SIGLEC11: variants seen among roughly 807,000 people sequenced by gnomAD.
SIGLEC11 encodes sialic acid binding Ig like lectin 11, also known as sialic acid-binding Ig-like lectin 11.
In SIGLEC11, 47 loss-of-function variants were observed where a neutral mutation model predicts 61.2. The observed-to-expected ratio is 0.77, with a 90% CI of 0.61 to 0.98. The LOEUF is 0.98. SIGLEC11 is among the 50% of genes least tolerant of loss of function. The pLI, the probability that SIGLEC11 is intolerant of heterozygous loss-of-function variation, is 0.00. For synonymous variants in SIGLEC11, 278 were observed against 373.1 expected, an observed-to-expected ratio of 0.75 and a Z score of 2.94; for missense variants, 610 against 870.3, an observed-to-expected ratio of 0.70 and a Z score of 3.76.
Position 49,960,815 on chromosome 19 carries a change from G to A in SIGLEC11, c.197C>T (p.Ser66Phe), listed in dbSNP as rs1390916815. Reference protein sequence around the residue: ...LSYPRDGWDESTAAYGYWFKG... With the variant: ...LSYPRDGWDEFTAAYGYWFKG... ...GAACCAGTAGCCATAAGCAGCAGTA[G>A]ACTCGTCCCAGCCATCCCGGGGGTA... The change falls in exon 2 of 11, where the codon TCT becomes TTT. Residue 66 changes from serine to phenylalanine, a missense_variant. By Grantham distance (155) the Ser-to-Phe change is radical (BLOSUM62 -2). Around this residue, in one of 6 missense-constraint regions of SIGLEC11, gnomAD observed 27 missense variants for 96.0 expected, o/e 0.28. Transcript: ENST00000447370. The A allele has an allele frequency of 8.7e-6, 14 of 1,613,364 alleles. No homozygotes were observed. Among genetic ancestry groups the A allele is most frequent in the African/African-American group, 1.3e-5 (1 of 74,382 alleles).
chr19:49,950,272 C>A, intron 10 of SIGLEC11, 36 bp from the exon 11 acceptor site: 2 of 1,493,450 alleles, frequency 1.3e-6, no homozygotes, highest in South Asian at 2.6e-5. Context: ...AAATTAGGGT[C>A]ATGGGGGCTA....
intron 8 of SIGLEC11, 29 bp from the exon 9 acceptor site, chr19:49,952,423 C>A (rs1165990653): frequency 1.9e-6 from 3 of 1,566,166 alleles, no homozygotes; most frequent in Non-Finnish European, 2.6e-6. Flanking sequence ...TGGGGTGGTG[C>A]CCTCCTGGCC....
chr19:49,949,922 G>A lies in SIGLEC11; in HGVS notation c.*48C>T, dbSNP rs372817623. On this transcript the variant is annotated 3_prime_UTR_variant, in exon 11 of 11. Transcript: ENST00000447370. ...GAGTCCAGTTCTGGCCGTCACACCA[G>A]TGCGACTCCCACACACTTGCTGGTG... is the stretch of plus-strand genomic sequence containing the variant. The A allele has an allele frequency of 7.2e-6, 10 of 1,381,490 alleles. No individual in the cohort carries two copies. The highest frequency in any genetic ancestry group is 8.5e-6 in the Non-Finnish European group (9 of 1,058,236). The allele number at this position is 1,381,490 out of a possible 1,614,324, so 85.6% of individuals were successfully genotyped here.
At position 49,952,284 on chromosome 19, in the gene SIGLEC11, C is replaced by T. The variant is rs370728765; in HGVS notation, c.1748+14G>A. On this transcript the variant is annotated intron_variant, in intron 9 of 10. Transcript: ENST00000447370. ...CCTTCCCACACCCTGCATTGCCTGCCCTCCGATGCTTACCTGAAGACGACA... is the reference window on the plus strand; with the variant it reads ...CCTTCCCACACCCTGCATTGCCTGCTCTCCGATGCTTACCTGAAGACGACA... The T allele has an allele frequency of 1.9e-5, 30 of 1,611,406 alleles. No individual in the cohort carries two copies. In the African/African-American group the frequency reaches 2.3e-4, roughly 12 times the overall value.
chr19:49,958,875 T>C lies in SIGLEC11; in HGVS notation c.1131A>G (p.Thr377=), dbSNP rs534540205. Residue 377 remains threonine, a synonymous_variant, in exon 7 of 11, where the codon ACA becomes ACG. Coordinates refer to ENST00000447370, the MANE Select transcript of SIGLEC11 (RefSeq NM_052884.3). ...TTTGGCCCTCCAGGACCGGGAGGGA[T>C]GTGCCGTTCCCGAGGTTTTCCAGGA... ...RTVLENLGNG[T]SLPVLEGQSL... The C allele has an allele frequency of 4.4e-6, 7 of 1,601,872 alleles. No homozygotes were observed. The South Asian group carries it at 7.8e-5, about 18-fold the overall frequency.
At position 49,950,001 on chromosome 19, in the gene SIGLEC11, T is replaced by A; in HGVS notation, c.2066A>T (p.Glu689Val). 6.6e-7 allele frequency: 1 copy of A among 1,510,644 alleles called. No homozygotes were observed. 93.6% of individuals were successfully genotyped at this position (1,510,644 alleles called of 1,614,324 possible). ...TGGAACCATCCCTGACATCTCCCTC[T>A]CCAATTGAAGCCCAAAGCCTGGGCC... ...LRGPGFGLQL[E>V]REMSGMVPK The change falls in exon 11 of 11, where the codon GAG (glutamate) becomes GTG (valine). Residue 689 changes from glutamate to valine, a missense_variant. Glu to Val is a moderately radical substitution (Grantham distance 121). Around this residue, in one of 6 missense-constraint regions of SIGLEC11, gnomAD observed 432 missense variants for 441.5 expected, o/e 0.98. Coordinates refer to ENST00000447370, the MANE Select transcript of SIGLEC11 (RefSeq NM_052884.3).
Position 49,949,986 on chromosome 19 carries a change from C to T in SIGLEC11, c.2081G>A (p.Gly694Glu). Reference sequence around the variant, plus strand: ...GAGACCTCTTCACTTTGGAACCATCCCTGACATCTCCCTCTCCAATTGAAG... The same window carrying T: ...GAGACCTCTTCACTTTGGAACCATCTCTGACATCTCCCTCTCCAATTGAAG... ...FGLQLEREMS[G>E]MVPK The change falls in exon 11 of 11, where the codon GGG becomes GAG. Residue 694 changes from glycine (G) to glutamate (E), a missense_variant. Coordinates refer to ENST00000447370, the MANE Select transcript of SIGLEC11 (RefSeq NM_052884.3). 6.7e-7 allele frequency: 1 copy of T among 1,489,584 alleles called. No homozygotes were observed. Among genetic ancestry groups the T allele is most frequent in the African/African-American group, 1.4e-5 (1 of 71,138 alleles). The allele number at this position is 1,489,584 out of a possible 1,614,324, so 92.3% of individuals were successfully genotyped here.
rs2076237160 is a variant in SIGLEC11, at chr19:49,960,541, C to T, written c.460+11G>A. 6.3e-7 allele frequency: 1 copy of T among 1,597,228 alleles called. No homozygotes were observed. ...AGTGTGACAGGCAGGGGTTCCCACCCCATTCCATACCTGTTACTTTTAGAA... is the reference window on the plus strand; with the variant it reads ...AGTGTGACAGGCAGGGGTTCCCACCTCATTCCATACCTGTTACTTTTAGAA... On this transcript the variant is annotated intron_variant, in intron 2 of 10. Coordinates refer to ENST00000447370, the MANE Select transcript of SIGLEC11 (RefSeq NM_052884.3).
At position 49,951,891 on chromosome 19, in the gene SIGLEC11, C is replaced by A; in HGVS notation, c.1830G>T (p.Gln610His). The change falls in exon 10 of 11, where the codon CAG becomes CAT. Residue 610 changes from glutamine (Q) to histidine (H), a missense_variant and splice_region_variant. Gln to His is a conservative substitution (Grantham distance 24). This residue lies in a region of SIGLEC11 where 432 missense variants were observed against 441.5 expected (regional missense o/e 0.98). Coordinates refer to ENST00000447370, the MANE Select transcript of SIGLEC11 (RefSeq NM_052884.3). This position sits in a 1 kb window ranked among gnomAD's most constrained non-coding sequence, Gnocchi z 4.6. ...CAGCAGACAGAGGCTGGGCTCTCAC[C>A]TGGGAGATGGGTCCCAGGGTGGAGG... ...DVPSTLGPIS[Q>H]GHQHECSAGS... is the part of the protein sequence containing the mutation. The A allele has an allele frequency of 6.3e-7, 1 of 1,596,974 alleles. No homozygotes were observed. The highest frequency in any genetic ancestry group is 8.5e-7 in the Non-Finnish European group (1 of 1,172,220).
At chr19:49,952,142 A>T (rs577913380) in intron 9 of SIGLEC11, among the ~76,000 whole-genome samples, 156 bp downstream of exon 9, 1 of 152,268 alleles carries the variant, frequency 6.6e-6, no homozygotes, top group South Asian at 2.1e-4. Context: ...GATGGCCCAG[A>T]TCAGGGCTCT....
chr19:49,951,488 T>C lies in SIGLEC11; in HGVS notation c.1830+403A>G, dbSNP rs1157150908. Among the ~76,000 whole-genome samples the C allele has an allele frequency of 6.6e-6, 1 of 152,136 alleles. No homozygotes were observed. The highest frequency in any genetic ancestry group is 1.5e-5 in the Non-Finnish European group (1 of 68,012). ...GGTCGTGGGGACCCCACAACTGTGG[T>C]TGGTGTCAGAAGTGAGGATGGGGAC... is the stretch of plus-strand genomic sequence containing the variant. On this transcript the variant is annotated intron_variant, in intron 10 of 10. Coordinates refer to ENST00000447370, the MANE Select transcript of SIGLEC11 (RefSeq NM_052884.3). The surrounding 1 kb of genome is among the most constrained non-coding windows in gnomAD (Gnocchi z 4.6).
intron 8 of SIGLEC11, among the ~76,000 whole-genome samples, chr19:49,957,542 A>G (rs1383442417): frequency 1.3e-5 from 2 of 152,164 alleles, no homozygotes; most frequent in Non-Finnish European, 2.9e-5. Context: ...AAAAAAGACA[A>G]ATTCTTTTAC....
Position 49,958,633 on chromosome 19 carries a change from C to A in SIGLEC11, c.1363+10G>T. 3 of 1,579,548 alleles carry A rather than the reference C, an allele frequency of 1.9e-6. No homozygotes were observed. Among genetic ancestry groups the A allele is most frequent in the Non-Finnish European group, 2.6e-6 (3 of 1,163,508 alleles). On this transcript the variant is annotated intron_variant, in intron 7 of 10. Transcript: ENST00000447370. Reference sequence around the variant, plus strand: ...TCCTGGGACCCAGGTGTCCCCTTTCCCCCACTCACAGTGCACGGAGAGGCT... The same window carrying A: ...TCCTGGGACCCAGGTGTCCCCTTTCACCCACTCACAGTGCACGGAGAGGCT...
Position 49,952,305 on chromosome 19 carries a change from C to T in SIGLEC11, c.1741G>A (p.Val581Ile), listed in dbSNP as rs140702198. ...CTGCCCTCCGATGCTTACCTGAAGA[C>T]GACAAGGCAGGAACAGAAAGCGAGC... ...ALLAFCSCLV[V>I]FRVKICRKEA... is the part of the protein sequence containing the mutation. Residue 581 changes from valine (V) to isoleucine (I), a missense_variant, in exon 9 of 11, where the codon GTC becomes ATC. By Grantham distance (29) the Val-to-Ile change is conservative. This residue lies in a region of SIGLEC11 where 432 missense variants were observed against 441.5 expected (regional missense o/e 0.98). Transcript: ENST00000447370. The T allele has an allele frequency of 1.6e-4, 259 of 1,612,672 alleles. No homozygotes were observed. Among genetic ancestry groups the T allele is most frequent in the African/African-American group, 2.8e-4 (21 of 75,054 alleles).
chr19:49,951,014 A>T lies in SIGLEC11; in HGVS notation c.1831-778T>A, dbSNP rs1241228166. ...AACCTCTAATGTAGGGCCTTGGAAT[A>T]TCCTGCTGGTAGGAGCATCCCTGTT... On this transcript the variant is annotated intron_variant, in intron 10 of 10. Transcript: ENST00000447370. The surrounding 1 kb of genome is among the most constrained non-coding windows in gnomAD (Gnocchi z 4.6). 1.3e-5 allele frequency among the ~76,000 whole-genome samples: 2 copies of T among 152,178 alleles called. No individual in the cohort carries two copies. Among genetic ancestry groups the T allele is most frequent in the Non-Finnish European group, 2.9e-5 (2 of 68,020 alleles).
In SIGLEC11 at chr19:49,951,333, C is replaced by T. The variant is rs1480200835; in HGVS notation, c.1830+558G>A. Among the ~76,000 whole-genome samples the T allele has an allele frequency of 6.6e-6, 1 of 152,188 alleles. No individual in the cohort carries two copies. The highest frequency in any genetic ancestry group is 1.5e-5 in the Non-Finnish European group (1 of 68,024). On this transcript the variant is annotated intron_variant, in intron 10 of 10. Coordinates refer to ENST00000447370, the MANE Select transcript of SIGLEC11 (RefSeq NM_052884.3). The surrounding 1 kb of genome is among the most constrained non-coding windows in gnomAD (Gnocchi z 4.6). ...ACCGGAAGCTGTGGGTTTGGTATCT[C>T]CTGGACCTGCCCTGAGCACCTCTTC... is the stretch of plus-strand genomic sequence containing the variant.
At chr19:49,958,159 G>T in intron 8 of SIGLEC11, 124 bp downstream of exon 8, 1 of 1,366,810 alleles carries the variant, frequency 7.3e-7, no homozygotes. Context: ...CAGCCACAGA[G>T]CAGGGACTTT....
Position 49,952,327 on chromosome 19 carries a change from G to C in SIGLEC11, c.1719C>G (p.Leu573=). ...AALGAGVAAL[L]AFCSCLVVFR... ...AGACGACAAGGCAGGAACAGAAAGC[G>C]AGCAGGGCAGCGACGCCAGCTCCCA... Residue 573 remains leucine, a synonymous_variant, in exon 9 of 11, where the codon CTC becomes CTG. Transcript: ENST00000447370. 1 of 1,612,032 alleles carries C rather than the reference G, an allele frequency of 6.2e-7. No individual in the cohort carries two copies. The highest frequency in any genetic ancestry group is 8.5e-7 in the Non-Finnish European group (1 of 1,179,972).
rs2076157932 is a variant in SIGLEC11 at position 49,951,508 on chromosome 19, G to T, written c.1830+383C>A. Reference sequence around the variant, plus strand: ...TGTGGTTGGTGTCAGAAGTGAGGATGGGGACCCTTAGCTTTGTAGTAGACA... The same window carrying T: ...TGTGGTTGGTGTCAGAAGTGAGGATTGGGACCCTTAGCTTTGTAGTAGACA... On this transcript the variant is annotated intron_variant, in intron 10 of 10. Coordinates refer to ENST00000447370, the MANE Select transcript of SIGLEC11 (RefSeq NM_052884.3). This position sits in a 1 kb window ranked among gnomAD's most constrained non-coding sequence, Gnocchi z 4.6. Among the ~76,000 whole-genome samples the T allele has an allele frequency of 6.6e-6, 1 of 152,170 alleles. No individual in the cohort carries two copies.
Sources: gnomAD v4.1 joint callset for allele counts (sites outside exome capture counted in the v4.1 genomes callset) on GRCh38, gnomAD v4.1.1 for gene constraint, gnomAD v4.1.1 regional missense constraint, Gnocchi (gnomAD v3.1) non-coding constraint, MANE v1.5 for transcripts, NCBI Gene and HGNC (gene_info 2026-07-23, HGNC 2026-07-21) for gene names.